The following DNAH6 variants were observed in gnomAD, a reference collection of about 807,000 sequenced individuals.
The protein encoded by DNAH6 is dynein axonemal heavy chain 6.
Under a neutral mutation model 491.4 loss-of-function variants are expected in DNAH6, and 340 were observed. That is an observed-to-expected ratio of 0.69 (90% CI 0.63 to 0.76). The LOEUF is 0.76. Ranked by LOEUF, DNAH6 falls within the 30% of genes least tolerant of loss-of-function variation. DNAH6 has a pLI of 0.00. For synonymous variants in DNAH6, 1,603 were observed against 1,686.1 expected (o/e 0.95, Z 1.21); for missense variants, 4,443 against 4,972.2 (o/e 0.89, Z 3.20).
chr2:84,715,743 C>A, intron 58 of DNAH6, 116 bp downstream of exon 58: 1 of 955,318 alleles, frequency 1.0e-6, no homozygotes, highest in Non-Finnish European at 1.6e-6. Context: ...ACACATGAAC[C>A]CTTAATCAAA....
chr2:84,702,503 A>T (rs1696007600), intron 49 of DNAH6, among the ~76,000 whole-genome samples: 1 of 151,188 alleles, frequency 6.6e-6, no homozygotes, highest in Non-Finnish European at 1.5e-5. Context: ...TTGTGAAATA[A>T]CTTGACTGAT....
At chr2:84,735,028 G>A (rs924621355) in intron 62 of DNAH6, among the ~76,000 whole-genome samples, 2 of 152,094 alleles carry the variant, frequency 1.3e-5, no homozygotes, top group African/African-American at 4.8e-5. Context: ...CAATAAGCAG[G>A]TTTTCAACCC....
intron 74 of DNAH6, among the ~76,000 whole-genome samples, chr2:84,813,761 C>T (rs1680227133): frequency 6.6e-6 from 1 of 152,176 alleles, no homozygotes; most frequent in African/African-American, 2.4e-5. Flanking sequence ...AGGACCAGAG[C>T]TTGTCCATCC....
At chr2:84,470,811 G>A in the DNAH6 span, among the ~76,000 whole-genome samples, 1 of 152,150 alleles carries the variant, frequency 6.6e-6, no homozygotes, top group African/African-American at 2.4e-5. Flanking sequence ...GAAGTCCGGT[G>A]GAGTCAAAGG....
At position 84,528,975 on chromosome 2, in the gene DNAH6, A is replaced by T; in HGVS notation, c.471A>T (p.Arg157Ser). The part of the protein sequence containing the change: ...PKLPHTGIGK[R>S]GLFGTRSSAY... ...TGCCACATACTGGTATTGGAAAAAG[A>T]GGTCTCTTTGGGACTAGATCTTCAG... Residue 157 changes from arginine to serine, a missense_variant, in exon 4 of 77, where the codon AGA becomes AGT. Coordinates refer to ENST00000389394, the MANE Select transcript of DNAH6 (RefSeq NM_001370.2). The T allele has an allele frequency of 6.4e-7, 1 of 1,551,106 alleles. No homozygotes were observed. The highest frequency in any genetic ancestry group is 8.7e-7 in the Non-Finnish European group (1 of 1,146,680).
chr2:84,542,484 T>C (rs150618355), intron 4 of DNAH6, among the ~76,000 whole-genome samples: 265 of 152,180 alleles, frequency 1.7e-3, no homozygotes, highest in African/African-American at 6.0e-3. Flanking sequence ...AGTCAGATAG[T>C]GGTATCAGGT....
chr2:84,745,471 G>A (rs941945161), intron 63 of DNAH6, among the ~76,000 whole-genome samples: 3 of 152,078 alleles, frequency 2.0e-5, no homozygotes, highest in Non-Finnish European at 2.9e-5. Context: ...CGCGACCATC[G>A]TGGCTAACAC....
chr2:84,640,727 CAGATTGACACAGG>C, intron 32 of DNAH6, 149 bp downstream of exon 32: 1 of 705,824 alleles, frequency 1.4e-6, no homozygotes, highest in Admixed American at 3.2e-5. Context: ...CACTCCATGA[CAGATTGACACAGG>C]CTCTCTCTCT....
intron 63 of DNAH6, among the ~76,000 whole-genome samples, chr2:84,748,799 A>G (rs1277359002): frequency 6.6e-6 from 1 of 152,338 alleles, no homozygotes; most frequent in Admixed American, 6.5e-5. Context: ...CTATTTAGAA[A>G]TACCTGAGGC....
chr2:84,489,575 T>A, the DNAH6 span, among the ~76,000 whole-genome samples: 4 of 152,110 alleles, frequency 2.6e-5, no homozygotes, highest in Non-Finnish European at 5.9e-5. Flanking sequence ...TTCTCTTTCC[T>A]TTTTTTCTTT....
intron 22 of DNAH6, among the ~76,000 whole-genome samples, chr2:84,613,836 G>A (rs1686567849): frequency 6.6e-6 from 1 of 151,976 alleles, no homozygotes; most frequent in African/African-American, 2.4e-5. Context: ...AAAGGTAATA[G>A]TTAAAATTCT....
intron 64 of DNAH6, 112 bp from the exon 65 acceptor site, chr2:84,781,381 A>G: frequency 3.4e-6 from 3 of 890,352 alleles, no homozygotes; most frequent in Non-Finnish European, 4.9e-6. Flanking sequence ...TGGAATGAGG[A>G]TTCAAAATGT....
At chr2:84,734,312 T>C (rs557395460) in intron 62 of DNAH6, among the ~76,000 whole-genome samples, 1 of 152,096 alleles carries the variant, frequency 6.6e-6, no homozygotes, top group South Asian at 2.1e-4. Flanking sequence ...GGCTAATTTT[T>C]TGTATTTTTA....
At chr2:84,618,670 A>C (rs549420684) in intron 23 of DNAH6, among the ~76,000 whole-genome samples, 1 of 152,280 alleles carries the variant, frequency 6.6e-6, no homozygotes, top group South Asian at 2.1e-4. Flanking sequence ...GCTGTAACCT[A>C]TTCTAGTATG....
the DNAH6 span, among the ~76,000 whole-genome samples, chr2:84,463,069 G>T: frequency 2.6e-5 from 4 of 152,180 alleles, no homozygotes; most frequent in African/African-American, 9.7e-5. Context: ...CTGTGCAGGG[G>T]AGTGGGGGAG....
chr2:84,745,035 C>A, intron 62 of DNAH6, 45 bp from the exon 63 acceptor site: 1 of 1,269,484 alleles, frequency 7.9e-7, no homozygotes, highest in South Asian at 1.7e-5. Flanking sequence ...ATTTCAAAGC[C>A]AAAACAAATC....
chr2:84,733,307 C>A, intron 61 of DNAH6, 137 bp from the exon 62 acceptor site: 1 of 671,548 alleles, frequency 1.5e-6, no homozygotes, highest in Non-Finnish European at 2.5e-6. Flanking sequence ...ATTTCTATTT[C>A]ACCATATTGT....
chr2:84,603,001 C>T (rs1685413478), intron 18 of DNAH6, among the ~76,000 whole-genome samples: 2 of 152,044 alleles, frequency 1.3e-5, no homozygotes, highest in East Asian at 3.9e-4. Flanking sequence ...CATTTCCCAA[C>T]TGATTTTGCT....
intron 11 of DNAH6, among the ~76,000 whole-genome samples, chr2:84,561,640 C>T (rs1025092365): frequency 1.3e-5 from 2 of 152,100 alleles, no homozygotes. Flanking sequence ...ACAACCTGCT[C>T]ATCTGACAAA....
Sources: gnomAD v4.1 joint callset for allele counts (sites outside exome capture counted in the v4.1 genomes callset) on GRCh38, gnomAD v4.1.1 for gene constraint, MANE v1.5 for transcripts, NCBI Gene and HGNC (gene_info 2026-07-23, HGNC 2026-07-21) for gene names.